The following CHRM3 variants were observed in gnomAD, a reference collection of about 807,000 sequenced individuals.
CHRM3 encodes the protein muscarinic acetylcholine receptor M3.
CHRM3 carries 11 observed loss-of-function variants against 41.8 expected under a neutral mutation model. The observed-to-expected ratio is 0.26, with a 90% CI of 0.17 to 0.44. The LOEUF (loss-of-function observed/expected upper bound fraction) is 0.44. Ranked by LOEUF, CHRM3 falls within the 20% of genes least tolerant of loss-of-function variation. The pLI, the probability that CHRM3 is intolerant of heterozygous loss-of-function variation, is 1.00. For missense variants in CHRM3, 571 were observed against 745.4 expected (o/e 0.77, Z 2.72); for synonymous variants, 297 against 301.4 (o/e 0.99, Z 0.15).
Position 239,413,527 on chromosome 1 carries a change from T to C in CHRM3, c.-521+26300T>C, listed in dbSNP as rs114479256. On this transcript the variant is annotated intron_variant, in intron 1 of 6. Coordinates refer to ENST00000676153, the MANE Select transcript of CHRM3 (RefSeq NM_001375978.1). The stretch of plus-strand genomic sequence containing the variant: ...GGTCTTGAACTCCTGACATCAAGTG[T>C]TCTGACCCCCTCAGCCTCCTAAATT... 2.7e-3 allele frequency among the ~76,000 whole-genome samples: 409 copies of C among 152,160 alleles called. 4 individuals are homozygous for C. The highest frequency in any genetic ancestry group is 9.5e-3 in the African/African-American group (396 of 41,546).
chr1:239,541,883 T>C (rs1394824980), intron 2 of CHRM3, among the ~76,000 whole-genome samples: 1 of 152,196 alleles, frequency 6.6e-6, no homozygotes, highest in African/African-American at 2.4e-5. Flanking sequence ...TCATTCTTCA[T>C]TTCTTTCTCT....
intron 5 of CHRM3, among the ~76,000 whole-genome samples, chr1:239,690,681 C>G (rs1406515112): frequency 6.6e-6 from 1 of 151,866 alleles, no homozygotes; most frequent in Non-Finnish European, 1.5e-5. Context: ...AAAATTTACC[C>G]CTTATATGGA....
intron 5 of CHRM3, among the ~76,000 whole-genome samples, chr1:239,805,979 G>T (rs1221843555): frequency 6.6e-6 from 1 of 152,100 alleles, no homozygotes; most frequent in Non-Finnish European, 1.5e-5. Flanking sequence ...AAACAAAACA[G>T]GAATCTCTCT....
At chr1:239,404,410 A>AAGAAAGAAAGAAAGAAAGAG (rs1210507333) in intron 1 of CHRM3, among the ~76,000 whole-genome samples, 6 of 51,770 alleles carry the variant, frequency 1.2e-4, no homozygotes, top group African/African-American at 3.9e-4. Context: ...GAAAGAAAGA[A>AAGAAAGAAAGAAAGAAAGAG]AAAGAAAGAA....
intron 6 of CHRM3, among the ~76,000 whole-genome samples, chr1:239,874,289 A>ATATATATATATATATCTATATACACAG (rs1676866762): frequency 7.5e-5 from 5 of 66,854 alleles, no homozygotes; most frequent in Admixed American, 4.9e-4. Flanking sequence ...TACACAGTAT[A>ATATATATATATATATCTATATACACAG]TATATATATA....
intron 1 of CHRM3, among the ~76,000 whole-genome samples, chr1:239,407,405 A>AATATATAT (rs143680510): frequency 2.9e-5 from 4 of 136,964 alleles, no homozygotes; most frequent in African/African-American, 5.1e-5. Flanking sequence ...AATGACTATA[A>AATATATAT]ATATATATAT....
At chr1:239,570,277 G>T (rs1440938435) in intron 3 of CHRM3, among the ~76,000 whole-genome samples, 2 of 152,108 alleles carry the variant, frequency 1.3e-5, no homozygotes, top group African/African-American at 2.4e-5. Context: ...GAAAGTGCTT[G>T]TTTCCCCTTC....
intron 4 of CHRM3, among the ~76,000 whole-genome samples, chr1:239,641,217 G>A (rs1477509951): frequency 1.3e-5 from 2 of 152,070 alleles, no homozygotes; most frequent in South Asian, 2.1e-4. Context: ...GGTGTGGTGC[G>A]GTGCTGAAAA....
chr1:239,816,677 G>C (rs1572387800), intron 5 of CHRM3, among the ~76,000 whole-genome samples: 1 of 151,810 alleles, frequency 6.6e-6, no homozygotes, highest in East Asian at 1.9e-4. Context: ...GCCCTATTCT[G>C]CCTGTGTGAC....
At chr1:239,866,283 A>G (rs982425818) in intron 6 of CHRM3, among the ~76,000 whole-genome samples, 7 of 152,092 alleles carry the variant, frequency 4.6e-5, no homozygotes, top group Non-Finnish European at 1.0e-4. Flanking sequence ...AGGCTGAGGC[A>G]GGAGAATGGC....
chr1:239,784,041 C>T (rs1473985539), intron 5 of CHRM3, among the ~76,000 whole-genome samples: 5 of 152,182 alleles, frequency 3.3e-5, no homozygotes, highest in Admixed American at 1.3e-4. Context: ...GACATGATTT[C>T]GTTCTTTTTG....
At chr1:239,900,348 C>G (rs1221212239) in intron 6 of CHRM3, among the ~76,000 whole-genome samples, 1 of 150,374 alleles carries the variant, frequency 6.7e-6, no homozygotes, top group Non-Finnish European at 1.5e-5. Context: ...TTTGGTGACT[C>G]TCATTTCTAA....
chr1:239,462,433 T>C (rs1030441720), intron 1 of CHRM3, among the ~76,000 whole-genome samples: 4 of 152,218 alleles, frequency 2.6e-5, no homozygotes, highest in African/African-American at 9.6e-5. Flanking sequence ...TTTCATATTG[T>C]TGTTCTTCTG....
intron 5 of CHRM3, among the ~76,000 whole-genome samples, chr1:239,799,369 A>C (rs1440066260): frequency 6.6e-6 from 1 of 152,152 alleles, no homozygotes; most frequent in Non-Finnish European, 1.5e-5. Flanking sequence ...AATGCATCAT[A>C]AATGCCTTCA....
intron 5 of CHRM3, among the ~76,000 whole-genome samples, chr1:239,741,670 A>G (rs567520495): frequency 1.4e-5 from 2 of 139,164 alleles, no homozygotes; most frequent in East Asian, 4.2e-4. Flanking sequence ...GTTGAATTCA[A>G]TCAGCTAAAG....
chr1:239,407,677 T>C (rs971761644), intron 1 of CHRM3, among the ~76,000 whole-genome samples: 14 of 152,118 alleles, frequency 9.2e-5, no homozygotes, highest in East Asian at 3.9e-4. Flanking sequence ...TGAAGAACAA[T>C]GAACTAAATT....
intron 5 of CHRM3, among the ~76,000 whole-genome samples, chr1:239,767,761 A>C (rs1667337924): frequency 6.6e-6 from 1 of 152,216 alleles, no homozygotes; most frequent in Non-Finnish European, 1.5e-5. Flanking sequence ...AGAAGATCAC[A>C]TAATTTGTAA....
At chr1:239,718,714 G>T (rs1467951643) in intron 5 of CHRM3, 2 of 151,842 alleles carry the variant, frequency 1.3e-5, no homozygotes, top group Admixed American at 6.6e-5. Flanking sequence ...CACAAGGAAA[G>T]AATCAACTTG....
intron 4 of CHRM3, among the ~76,000 whole-genome samples, chr1:239,646,467 C>T (rs1340372595): frequency 6.6e-6 from 1 of 152,132 alleles, no homozygotes; most frequent in Non-Finnish European, 1.5e-5. Context: ...GTAATAGGCA[C>T]ATATACGCAC....
Sources: gnomAD v4.1 joint callset for allele counts (sites outside exome capture counted in the v4.1 genomes callset) on GRCh38, gnomAD v4.1.1 for gene constraint, MANE v1.5 for transcripts, NCBI Gene and HGNC (gene_info 2026-07-23, HGNC 2026-07-21) for gene names.